Variants in TMEM132C observed in about 807,000 individuals in gnomAD.
TMEM132C encodes transmembrane protein 132C, also known as protein phosphatase 1, regulatory subunit 152.
In TMEM132C, 29 loss-of-function variants were observed where a neutral mutation model predicts 61.4. The ratio of observed to expected loss-of-function variants is 0.47; its 90% CI spans 0.35 to 0.64. TMEM132C has a LOEUF of 0.64. TMEM132C is among the 30% of genes least tolerant of loss of function. The probability of loss-of-function intolerance (pLI) is 0.00; values close to 1 mark genes in which losing one functional copy is unlikely to be tolerated. For missense variants in TMEM132C, 1,408 were observed against 1,476.9 expected, an observed-to-expected ratio of 0.95 and a Z score of 0.76; for synonymous variants, 656 against 633.1, an observed-to-expected ratio of 1.04 and a Z score of -0.54.
At chr12:128,598,366 G>C (rs1275139053) in intron 3 of TMEM132C, among the ~76,000 whole-genome samples, 1 of 152,116 alleles carries the variant, frequency 6.6e-6, no homozygotes, top group African/African-American at 2.4e-5. Flanking sequence ...AACCTGGGAG[G>C]CGGAGATTGC....
At chr12:128,607,826 CTG>C (rs1172131955) in intron 3 of TMEM132C, among the ~76,000 whole-genome samples, 4 of 152,164 alleles carry the variant, frequency 2.6e-5, no homozygotes, top group Non-Finnish European at 4.4e-5. Flanking sequence ...GATGAGGAAA[CTG>C]TGGTTTTGAG....
intron 4 of TMEM132C, among the ~76,000 whole-genome samples, chr12:128,652,398 C>T (rs376552652): frequency 7.9e-5 from 12 of 152,164 alleles, no homozygotes; most frequent in African/African-American, 2.2e-4. Context: ...TTGGAAGAGA[C>T]GCAGGACCCA....
intron 2 of TMEM132C, among the ~76,000 whole-genome samples, chr12:128,453,276 T>A (rs1336082490): frequency 6.6e-6 from 1 of 152,216 alleles, no homozygotes; most frequent in Non-Finnish European, 1.5e-5. Context: ...CTGGCAGTCT[T>A]GTCTCTGCTC....
Position 128,706,503 on chromosome 12 carries a change from G to T in TMEM132C, c.*208G>T, listed in dbSNP as rs1267453680. On this transcript the variant is annotated 3_prime_UTR_variant, in exon 9 of 9. Coordinates refer to ENST00000435159, the MANE Select transcript of TMEM132C (RefSeq NM_001136103.3). ...GGTGGTGGATTTTTAAAGGTCAGGG[G>T]AATAAAGTCTGGGGCATGGGGAGTG... The T allele has an allele frequency of 1.1e-5, 7 of 624,378 alleles. No homozygotes were observed. The highest frequency in any genetic ancestry group is 1.7e-5 in the Non-Finnish European group (7 of 404,060). The allele number at this position is 624,378 out of a possible 1,614,324, so 38.7% of individuals were successfully genotyped here.
chr12:128,599,457 C>G (rs1200455040), intron 3 of TMEM132C, among the ~76,000 whole-genome samples: 1 of 152,220 alleles, frequency 6.6e-6, no homozygotes, highest in East Asian at 1.9e-4. Flanking sequence ...ACCTGGGCCT[C>G]TGACATGTTG....
chr12:128,512,045 G>T (rs562430786), intron 2 of TMEM132C, among the ~76,000 whole-genome samples: 1 of 151,226 alleles, frequency 6.6e-6, no homozygotes, highest in Admixed American at 6.6e-5. Flanking sequence ...CTCGAGCTCC[G>T]CCCCTGTCGG....
intron 5 of TMEM132C, among the ~76,000 whole-genome samples, chr12:128,675,884 A>G (rs12367293): frequency 0.026 from 1,098 of 42,720 alleles, 25 homozygotes; most frequent in Admixed American, 0.094. Context: ...TAGATAGATA[A>G]ATAGATAGAT....
At chr12:128,675,766 A>G (rs1954576965) in intron 5 of TMEM132C, among the ~76,000 whole-genome samples, 1 of 152,118 alleles carries the variant, frequency 6.6e-6, no homozygotes, top group African/African-American at 2.4e-5. Context: ...TAGGTGATTA[A>G]TAGATTATTG....
At chr12:128,520,604 G>T (rs1872875532) in intron 2 of TMEM132C, among the ~76,000 whole-genome samples, 1 of 152,166 alleles carries the variant, frequency 6.6e-6, no homozygotes, top group African/African-American at 2.4e-5. Flanking sequence ...GGAGGGGACT[G>T]TCCTGTGCAT....
At chr12:128,585,886 G>C (rs4882790) in intron 3 of TMEM132C, among the ~76,000 whole-genome samples, 63,456 of 151,952 alleles carry the variant, frequency 0.42, 13,635 homozygotes, top group Non-Finnish European at 0.47. Context: ...CAGGGGCTGG[G>C]ATGAGGGGGA....
chr12:128,422,098 TC>T (rs201973370), intron 2 of TMEM132C, among the ~76,000 whole-genome samples: 1,597 of 152,364 alleles, frequency 0.01, 29 homozygotes, highest in African/African-American at 0.036. Flanking sequence ...TATTTACTTT[TC>T]CAAGGATGTT....
intron 3 of TMEM132C, among the ~76,000 whole-genome samples, chr12:128,593,559 T>C (rs767703648): frequency 6.6e-6 from 1 of 152,012 alleles, no homozygotes; most frequent in Non-Finnish European, 1.5e-5. Flanking sequence ...TGGAGTTGAG[T>C]TGGTCTGGGT....
chr12:128,561,422 C>T (rs907112745), intron 3 of TMEM132C, among the ~76,000 whole-genome samples: 1 of 152,228 alleles, frequency 6.6e-6, no homozygotes, highest in African/African-American at 2.4e-5. Context: ...TCTTCACACG[C>T]TGCCTTCTGC....
chr12:128,291,972 C>T (rs78055379), intron 1 of TMEM132C, among the ~76,000 whole-genome samples: 3 of 152,298 alleles, frequency 2.0e-5, no homozygotes, highest in East Asian at 1.9e-4. Flanking sequence ...CCCTGCCCCA[C>T]GGGTGGCCTT....
intron 2 of TMEM132C, among the ~76,000 whole-genome samples, chr12:128,432,578 TG>T (rs1364613410): frequency 6.6e-6 from 1 of 152,160 alleles, no homozygotes; most frequent in Non-Finnish European, 1.5e-5. Context: ...ATATCAGAAG[TG>T]GAGCCTGAAG....
chr12:128,427,428 G>GTGTGTGTGTGTGTGTGTGTA (rs1359402190), intron 2 of TMEM132C, among the ~76,000 whole-genome samples: 11 of 129,274 alleles, frequency 8.5e-5, no homozygotes, highest in South Asian at 5.8e-4. Context: ...GTGTGTGTGT[G>GTGTGTGTGTGTGTGTGTGTA]TATATATATT....
intron 2 of TMEM132C, among the ~76,000 whole-genome samples, chr12:128,445,758 A>G (rs1869959808): frequency 6.6e-6 from 1 of 152,144 alleles, no homozygotes; most frequent in Non-Finnish European, 1.5e-5. Context: ...GTCTGCGGGG[A>G]ATAAGAGTAA....
At chr12:128,347,936 A>G (rs1873224486) in intron 1 of TMEM132C, among the ~76,000 whole-genome samples, 1 of 152,178 alleles carries the variant, frequency 6.6e-6, no homozygotes, top group African/African-American at 2.4e-5. Flanking sequence ...GTCTCTTGCA[A>G]TTCCATGTGA....
chr12:128,506,154 A>G (rs1408564295), intron 2 of TMEM132C, among the ~76,000 whole-genome samples: 1 of 152,178 alleles, frequency 6.6e-6, no homozygotes, highest in Non-Finnish European at 1.5e-5. Context: ...TTTTATACCC[A>G]TGGTCGGCAG....
Sources: allele counts gnomAD v4.1 joint callset (sites outside exome capture counted in the v4.1 genomes callset), GRCh38; gene constraint gnomAD v4.1.1; transcripts MANE v1.5; gene names NCBI Gene and HGNC (gene_info 2026-07-23, HGNC 2026-07-21).